CAMTA1: variants seen among roughly 807,000 people sequenced by gnomAD.
CAMTA1 encodes calmodulin binding transcription activator 1, also known as calmodulin-binding transcription activator 1.
Under a neutral mutation model 170.9 loss-of-function variants are expected in CAMTA1, and 27 were observed. The ratio of observed to expected loss-of-function variants is 0.16; its 90% CI spans 0.12 to 0.22. The LOEUF (loss-of-function observed/expected upper bound fraction) is 0.22. Among genes scored for constraint, CAMTA1 ranks in the 10% least tolerant of loss-of-function variants. The pLI, the probability that CAMTA1 is intolerant of heterozygous loss-of-function variation, is 1.00. For missense variants in CAMTA1, 1,619 were observed against 2,217.2 expected (o/e 0.73, Z 5.42); for synonymous variants, 833 against 891.5 (o/e 0.93, Z 1.17).
chr1:7,736,653 G>C lies in CAMTA1; in HGVS notation c.3263+113G>C. On this transcript the variant is annotated intron_variant, in intron 13 of 22. Coordinates refer to ENST00000303635, the MANE Select transcript of CAMTA1 (RefSeq NM_015215.4). The surrounding 1 kb of genome is among the most constrained non-coding windows in gnomAD (Gnocchi z 4.5). ...TACCCATTCAGTCCACTTTATAGCCGGCGAGCAAAGGGCTTTGTCCTTGGA... is the reference window on the plus strand; with the variant it reads ...TACCCATTCAGTCCACTTTATAGCCCGCGAGCAAAGGGCTTTGTCCTTGGA... 1 of 1,031,492 alleles carries C rather than the reference G, an allele frequency of 9.7e-7. No individual in the cohort carries two copies. Among genetic ancestry groups the C allele is most frequent in the East Asian group, 2.4e-5 (1 of 41,110 alleles). The allele number at this position is 1,031,492 out of a possible 1,614,324, so 63.9% of individuals were successfully genotyped here.
At chr1:7,285,392 C>T (rs545909461) in intron 5 of CAMTA1, among the ~76,000 whole-genome samples, 14 of 152,276 alleles carry the variant, frequency 9.2e-5, no homozygotes, top group South Asian at 4.1e-4. Context: ...AGTTCTGCGA[C>T]GTGCAAGCTG....
intron 1 of CAMTA1, among the ~76,000 whole-genome samples, chr1:6,790,723 A>T (rs998272542): frequency 6.6e-6 from 1 of 152,182 alleles, no homozygotes. Context: ...TAGGCATCTG[A>T]TATAATTATC....
intron 3 of CAMTA1, among the ~76,000 whole-genome samples, chr1:6,991,895 T>A (rs1250371417): frequency 6.6e-6 from 1 of 152,050 alleles, no homozygotes; most frequent in Non-Finnish European, 1.5e-5. Flanking sequence ...AGAGATGTGG[T>A]TTTGCCATGT....
intron 7 of CAMTA1, among the ~76,000 whole-genome samples, chr1:7,656,177 C>CA (rs1166557272): frequency 6.6e-6 from 1 of 152,182 alleles, no homozygotes; most frequent in Non-Finnish European, 1.5e-5. Context: ...TGTAGCAGCA[C>CA]AAAAAAGACG....
intron 9 of CAMTA1, among the ~76,000 whole-genome samples, chr1:7,670,399 C>T (rs1294371002): frequency 1.3e-5 from 2 of 152,198 alleles, no homozygotes; most frequent in African/African-American, 4.8e-5. Context: ...TCCCCACAGC[C>T]TGGGGATCCT....
At chr1:7,689,278 A>AAAAG (rs1282194888) in intron 11 of CAMTA1, among the ~76,000 whole-genome samples, 1 of 150,386 alleles carries the variant, frequency 6.6e-6, no homozygotes, top group African/African-American at 2.4e-5. Context: ...AAAAAAAAAA[A>AAAAG]AAAATCAGTG....
intron 4 of CAMTA1, among the ~76,000 whole-genome samples, chr1:7,213,741 A>C (rs541575812): frequency 3.9e-5 from 6 of 152,066 alleles, no homozygotes; most frequent in African/African-American, 1.4e-4. Context: ...TATATCTCCT[A>C]ATGCTATCCC....
intron 5 of CAMTA1, among the ~76,000 whole-genome samples, chr1:7,398,067 G>C (rs944843422): frequency 6.8e-6 from 1 of 147,928 alleles, no homozygotes; most frequent in Non-Finnish European, 1.5e-5. Flanking sequence ...TCTGTTCATT[G>C]CTGAATGTGG....
At chr1:6,962,468 T>C (rs926640790) in intron 3 of CAMTA1, among the ~76,000 whole-genome samples, 1 of 143,992 alleles carries the variant, frequency 6.9e-6, no homozygotes, top group African/African-American at 2.6e-5. Context: ...TTTTGGTTCC[T>C]CTCTCCCTGC....
chr1:7,217,036 A>G (rs1659864258), intron 4 of CAMTA1, among the ~76,000 whole-genome samples: 1 of 152,090 alleles, frequency 6.6e-6, no homozygotes, highest in Non-Finnish European at 1.5e-5. Context: ...AGGCTTTCTG[A>G]ATCTCTTTGA....
At chr1:7,492,751 ACACACACAAACCTACATACACAAGTG>A (rs1398536322) in intron 6 of CAMTA1, among the ~76,000 whole-genome samples, 1 of 143,160 alleles carries the variant, frequency 7.0e-6, no homozygotes, top group Non-Finnish European at 1.5e-5. Context: ...ACGCGCGCAC[ACACACACAAACCTACATACACAAGTG>A]CACACACAAA....
chr1:7,171,341 C>T (rs2148825164), intron 4 of CAMTA1, among the ~76,000 whole-genome samples: 1 of 152,334 alleles, frequency 6.6e-6, no homozygotes, highest in East Asian at 1.9e-4. Context: ...AGCTGTTCCC[C>T]TGCACAGAAT....
Position 7,044,795 on chromosome 1 carries a change from C to T in CAMTA1, c.235-46509C>T, listed in dbSNP as rs1417619111. Among the ~76,000 whole-genome samples the T allele has an allele frequency of 2.0e-5, 3 of 150,652 alleles. No homozygotes were observed. The highest frequency in any genetic ancestry group is 4.4e-5 in the Non-Finnish European group (3 of 67,692). ...CTGCCTGGCGCATCTTTCCCCCTCA[C>T]GTCCTCTCCCCCACTCCCTCCTCTT... On this transcript the variant is annotated intron_variant, in intron 3 of 22. Transcript: ENST00000303635. The surrounding 1 kb of genome is among the most constrained non-coding windows in gnomAD (Gnocchi z 5.0).
Position 7,050,773 on chromosome 1 carries a change from G to A in CAMTA1, c.235-40531G>A, listed in dbSNP as rs924297978. On this transcript the variant is annotated intron_variant, in intron 3 of 22. Transcript: ENST00000303635. This position sits in a 1 kb window ranked among gnomAD's most constrained non-coding sequence, Gnocchi z 4.8. ...AGCCCCAGGGGGCCTTGGCCTCCAC[G>A]AGTTTCTAGTCCTTGTCAGGGTGAG... is the stretch of plus-strand genomic sequence containing the variant. 3.3e-5 allele frequency among the ~76,000 whole-genome samples: 5 copies of A among 152,304 alleles called. No homozygotes were observed. Among genetic ancestry groups the A allele is most frequent in the South Asian group, 2.1e-4 (1 of 4,832 alleles).
At chr1:7,489,792 T>C (rs1557799286) in intron 6 of CAMTA1, among the ~76,000 whole-genome samples, 1 of 152,214 alleles carries the variant, frequency 6.6e-6, no homozygotes, top group Non-Finnish European at 1.5e-5. Context: ...CCGGAGCAGT[T>C]CCCATGCCAG....
At position 7,249,342 on chromosome 1, in the gene CAMTA1, G is replaced by GGGA. The variant is rs1353714505; in HGVS notation, c.303-147_303-145dup. 1.2e-6 allele frequency: 1 copy of GGGA among 803,138 alleles called. No homozygotes were observed. Among genetic ancestry groups the GGGA allele is most frequent in the African/African-American group, 1.7e-5 (1 of 57,504 alleles). 49.8% of individuals were successfully genotyped at this position (803,138 alleles called of 1,614,324 possible). A position where few individuals can be genotyped will look rare whatever the true frequency, so the allele number is the denominator to read the frequency against. On this transcript the variant is annotated intron_variant, in intron 4 of 22. Transcript: ENST00000303635. The surrounding 1 kb of genome is among the most constrained non-coding windows in gnomAD (Gnocchi z 4.4). ...CTGGCCATAAAACATGGTTAATCCAGGGAGATGCAATAAAAGGTGAAAAAT... is the reference window on the plus strand; with the variant it reads ...CTGGCCATAAAACATGGTTAATCCAGGGAGGAGATGCAATAAAAGGTGAAAAAT...
At chr1:7,581,836 C>T (rs1461888453) in intron 6 of CAMTA1, among the ~76,000 whole-genome samples, 1 of 152,206 alleles carries the variant, frequency 6.6e-6, no homozygotes, top group African/African-American at 2.4e-5. Context: ...TACTGAGGGG[C>T]TTTGAGCTCC....
chr1:7,386,151 C>G (rs758437123), intron 5 of CAMTA1, among the ~76,000 whole-genome samples: 1 of 152,234 alleles, frequency 6.6e-6, no homozygotes, highest in Non-Finnish European at 1.5e-5. Flanking sequence ...CATCTGTTGT[C>G]AGAAAGGTTG....
At position 7,634,170 on chromosome 1, in the gene CAMTA1, G is replaced by A. The variant is rs1010020124; in HGVS notation, c.511-6230G>A. Among the ~76,000 whole-genome samples, 1 of 152,204 alleles carries A rather than the reference G, an allele frequency of 6.6e-6. No individual in the cohort carries two copies. The highest frequency in any genetic ancestry group is 2.4e-5 in the African/African-American group (1 of 41,448). Reference sequence around the variant, plus strand: ...GGGAGGAGCAGACGTGAGGACACCCGGGAGGAGGGCACACTCCCACGTGCG... The same window carrying A: ...GGGAGGAGCAGACGTGAGGACACCCAGGAGGAGGGCACACTCCCACGTGCG... On this transcript the variant is annotated intron_variant, in intron 6 of 22. Transcript: ENST00000303635. This position sits in a 1 kb window ranked among gnomAD's most constrained non-coding sequence, Gnocchi z 6.2.
Sources: allele counts gnomAD v4.1 joint callset (sites outside exome capture counted in the v4.1 genomes callset), GRCh38; gene constraint gnomAD v4.1.1; non-coding constraint Gnocchi (gnomAD v3.1); transcripts MANE v1.5; gene names NCBI Gene and HGNC (gene_info 2026-07-23, HGNC 2026-07-21).